Variants in CYBA observed in about 807,000 individuals in gnomAD.
The protein encoded by CYBA is cytochrome b-245 alpha chain, also known as cytochrome b-245 light chain.
In CYBA, 21 loss-of-function variants were observed where a neutral mutation model predicts 20.8. The ratio of observed to expected loss-of-function variants is 1.01; its 90% CI spans 0.72 to 1.46. The LOEUF (loss-of-function observed/expected upper bound fraction) is 1.46. Among genes scored for constraint, CYBA ranks in the 40% most tolerant of loss-of-function variants. The probability of loss-of-function intolerance (pLI) is 0.00; values close to 1 mark genes in which losing one functional copy is unlikely to be tolerated. For missense variants in CYBA, 344 were observed against 287.0 expected (o/e 1.20, Z -1.43); for synonymous variants, 164 against 127.5 (o/e 1.29, Z -1.93).
chr16:88,647,507 G>A (rs1175932292), intron 2 of CYBA, among the ~76,000 whole-genome samples: 1 of 152,252 alleles, frequency 6.6e-6, no homozygotes, highest in Non-Finnish European at 1.5e-5. Flanking sequence ...CTGCACTGCA[G>A]CCTGGGGGAC....
intron 1 of CYBA, chr16:88,650,192 C>A: frequency 5.6e-6 from 2 of 357,202 alleles, no homozygotes; most frequent in Non-Finnish European, 1.1e-5. Context: ...CGGTGCAGGT[C>A]CTTCCTGGAG....
chr16:88,643,786 C>T lies in CYBA; in HGVS notation c.370-215G>A, dbSNP rs1160394611. 6.6e-6 allele frequency among the ~76,000 whole-genome samples: 1 copy of T among 152,250 alleles called. No individual in the cohort carries two copies. Among genetic ancestry groups the T allele is most frequent in the African/African-American group, 2.4e-5 (1 of 41,474 alleles). On this transcript the variant is annotated intron_variant, in intron 5 of 5. Coordinates refer to ENST00000261623, the MANE Select transcript of CYBA (RefSeq NM_000101.4). This position sits in a 1 kb window ranked among gnomAD's most constrained non-coding sequence, Gnocchi z 4.3. ...CTGACACCAGCCCAAGCTATTTCTT[C>T]ATGCCAGGAGTGGGGCCCGAACCCC... is the stretch of plus-strand genomic sequence containing the variant.
At position 88,646,835 on chromosome 16, in the gene CYBA, T is replaced by A. The variant is rs1907304390; in HGVS notation, c.207A>T (p.Gly69=). The A allele has an allele frequency of 2.5e-6, 4 of 1,612,782 alleles. No individual in the cohort carries two copies. In the East Asian group the frequency reaches 8.9e-5, roughly 36 times the overall value. Residue 69 remains glycine, a synonymous_variant, in exon 4 of 6, where the codon GGA becomes GGT. Coordinates refer to ENST00000261623, the MANE Select transcript of CYBA (RefSeq NM_000101.4). ...TCACCACGGCGGTCATGTACTTCTG[T>A]CCCCTGGGGGAGGGAGGAAGGCGAG... is the stretch of plus-strand genomic sequence containing the variant. ...RKKGSTMERW[G]QKYMTAVVKL...
chr16:88,647,844 C>T (rs2142876952), intron 2 of CYBA: 9 of 636,264 alleles, frequency 1.4e-5, no homozygotes, highest in East Asian at 2.7e-5. Flanking sequence ...CTTAGACTGG[C>T]GGGTCTGCCG....
At chr16:88,649,682 G>A (rs555746663) in intron 1 of CYBA, among the ~76,000 whole-genome samples, 1 of 152,256 alleles carries the variant, frequency 6.6e-6, no homozygotes, top group African/African-American at 2.4e-5. Context: ...CCTGGGGCAC[G>A]CTCAGGAGAT....
At position 88,650,964 on chromosome 16, in the gene CYBA, G is replaced by A. The variant is rs751574040; in HGVS notation, c.50C>T (p.Ser17Phe). 1 of 1,593,132 alleles carries A rather than the reference G, an allele frequency of 6.3e-7. No homozygotes were observed. The highest frequency in any genetic ancestry group is 8.5e-7 in the Non-Finnish European group (1 of 1,171,296). The change falls in exon 1 of 6, where the codon TCC (serine) becomes TTC (phenylalanine). Residue 17 changes from serine to phenylalanine, a missense_variant. Coordinates refer to ENST00000261623, the MANE Select transcript of CYBA (RefSeq NM_000101.4). ...CCCTGACGTGCACTCACTCAGGCCG[G>A]ACGCCAGCGCCTGTTCGTTGGCCCA... ...AMWANEQALA[S>F]GLILITGGIV...
At chr16:88,644,208 G>A (rs989897715) in intron 5 of CYBA, among the ~76,000 whole-genome samples, 5 of 152,196 alleles carry the variant, frequency 3.3e-5, no homozygotes, top group African/African-American at 9.7e-5. Flanking sequence ...CATCATATAC[G>A]TCATGAACAG....
intron 1 of CYBA, among the ~76,000 whole-genome samples, chr16:88,648,621 T>G (rs1344891189): frequency 7.1e-6 from 1 of 141,138 alleles, no homozygotes; most frequent in African/African-American, 2.7e-5. Flanking sequence ...CCCCTTACTG[T>G]TTTTTTTTTT....
At chr16:88,645,277 T>G in intron 5 of CYBA, 2 of 702,466 alleles carry the variant, frequency 2.8e-6, no homozygotes, top group Middle Eastern at 2.3e-4. Context: ...AGGAGAGTTC[T>G]GCCGGTGGCA....
At chr16:88,650,337 A>G (rs1465064843) in intron 1 of CYBA, 1 of 456,134 alleles carries the variant, frequency 2.2e-6, no homozygotes, top group Admixed American at 2.3e-5. Flanking sequence ...AGAACCTCTG[A>G]GCAAATGCAC....
chr16:88,645,442 G>A (rs1177103492), intron 5 of CYBA: 1 of 701,218 alleles, frequency 1.4e-6, no homozygotes, highest in African/African-American at 1.7e-5. Context: ...ATGGACAAAA[G>A]GATTTAAATA....
intron 4 of CYBA, 83 bp downstream of exon 4, chr16:88,646,654 TGGGGGTGGCTCCTGTCCA>T (rs1907293933): frequency 9.9e-7 from 1 of 1,006,864 alleles, no homozygotes; most frequent in Non-Finnish European, 1.6e-6. Context: ...CTGAGGTAAG[TGGGGGTGGCTCCTGTCCA>T]GGCAGCCCGG....
At chr16:88,646,962 C>A (rs1907310455) in intron 3 of CYBA, 124 bp from the exon 4 acceptor site, 2 of 1,179,288 alleles carry the variant, frequency 1.7e-6, no homozygotes, top group Non-Finnish European at 2.5e-6. Flanking sequence ...ACCGGGCAGG[C>A]ACCGGCCTTG....
In CYBA at chr16:88,643,611, GCCCTCCCT is replaced by G. The variant is rs751984921; in HGVS notation, c.370-48_370-41del. The G allele has an allele frequency of 3.1e-5, 39 of 1,249,070 alleles. No homozygotes were observed. The highest frequency in any genetic ancestry group is 3.0e-4 in the Middle Eastern group (1 of 3,310). The allele number at this position is 1,249,070 out of a possible 1,614,324, so 77.4% of individuals were successfully genotyped here. ...AGGGTTGAGCCGCGCCCCAGCGCCC[GCCCTCCCT>G]CCCTCCCTCCCTCCCCGGAGGCCCA... On this transcript the variant is annotated intron_variant, in intron 5 of 5. Transcript: ENST00000261623. This position sits in a 1 kb window ranked among gnomAD's most constrained non-coding sequence, Gnocchi z 4.3.
intron 2 of CYBA, among the ~76,000 whole-genome samples, 199 bp from the exon 3 acceptor site, chr16:88,647,374 C>G (rs1442759017): frequency 6.6e-6 from 1 of 152,192 alleles, no homozygotes; most frequent in Non-Finnish European, 1.5e-5. Context: ...AGACCCTCAT[C>G]TCTACAAAAA....
chr16:88,644,962 C>T (rs778965361), intron 5 of CYBA: 139 of 593,850 alleles, frequency 2.3e-4, no homozygotes, highest in African/African-American at 2.0e-4. Context: ...AAGCTCCACA[C>T]GGCCAGCTCG....
intron 3 of CYBA, 129 bp from the exon 4 acceptor site, chr16:88,646,967 G>T: frequency 8.5e-7 from 1 of 1,180,492 alleles, no homozygotes; most frequent in Non-Finnish European, 1.2e-6. Context: ...GCAGGCACCG[G>T]CCTTGGTTTA....
At chr16:88,648,564 G>C (rs1049199977) in intron 1 of CYBA, among the ~76,000 whole-genome samples, 5 of 151,686 alleles carry the variant, frequency 3.3e-5, no homozygotes, top group African/African-American at 1.2e-4. Context: ...GGTTTCGTCT[G>C]ATATGGCTAT....
intron 5 of CYBA, 62 bp downstream of exon 5, chr16:88,646,054 G>C (rs1441622723): frequency 7.3e-7 from 1 of 1,379,104 alleles, no homozygotes; most frequent in Non-Finnish European, 1.0e-6. Context: ...CGTGTCCGAG[G>C]GTGTCAGGGC....
Sources: gnomAD v4.1 joint callset for allele counts (sites outside exome capture counted in the v4.1 genomes callset) on GRCh38, gnomAD v4.1.1 for gene constraint, Gnocchi (gnomAD v3.1) non-coding constraint, MANE v1.5 for transcripts, NCBI Gene and HGNC (gene_info 2026-07-23, HGNC 2026-07-21) for gene names.